The following SMARCA4 variants were observed in gnomAD, a reference collection of about 807,000 sequenced individuals.
The protein encoded by SMARCA4 is SWI/SNF-related matrix-associated actin-dependent regulator of chromatin subfamily A member 4.
In SMARCA4, 31 loss-of-function variants were observed where a neutral mutation model predicts 193.9. The observed-to-expected ratio is 0.16, with a 90% CI of 0.12 to 0.22. The LOEUF (loss-of-function observed/expected upper bound fraction) is 0.22. SMARCA4 is among the 10% of genes least tolerant of loss of function. The pLI is 1.00. For missense variants in SMARCA4, 1,148 were observed against 2,296.0 expected, an observed-to-expected ratio of 0.50 and a Z score of 10.22; for synonymous variants, 942 against 933.1, an observed-to-expected ratio of 1.01 and a Z score of -0.17.
chr19:11,030,975 T>C lies in SMARCA4; in HGVS notation c.3546+82T>C, dbSNP rs2146607512. 1.6e-6 allele frequency: 2 copies of C among 1,220,020 alleles called. No homozygotes were observed. Among genetic ancestry groups the C allele is most frequent in the Non-Finnish European group, 2.3e-6 (2 of 853,424 alleles). 75.6% of individuals were successfully genotyped at this position (1,220,020 alleles called of 1,614,324 possible). A position where few individuals can be genotyped will look rare whatever the true frequency, so the allele number is the denominator to read the frequency against. On this transcript the variant is annotated intron_variant, in intron 25 of 34. Coordinates refer to ENST00000344626, the MANE Select transcript of SMARCA4 (RefSeq NM_003072.5). The surrounding 1 kb of genome is among the most constrained non-coding windows in gnomAD (Gnocchi z 5.5). The stretch of plus-strand genomic sequence containing the variant: ...CGAGGAGACGGCCCTGGCTTGAGGG[T>C]CCTCCAGCCTCCTCCACATTGTCTT...
At position 10,986,941 on chromosome 19, in the gene SMARCA4, CG is replaced by C; in HGVS notation, c.800del (p.Gly267AlafsTer36). On this transcript the variant is annotated frameshift_variant, in exon 5 of 35. Transcript: ENST00000344626. LOFTEE classifies it high-confidence loss of function. The surrounding 1 kb of genome is among the most constrained non-coding windows in gnomAD (Gnocchi z 6.7). ...CCCAACATGCCTCCCCCAGGACCCT[CG>C]GGCGTGCCCCCCGGGATGCCAGGCC... ...GGPNMPPPGP[S>X]GVPPGMPGQP... is the part of the protein sequence containing the mutation. 6.2e-7 allele frequency: 1 copy of C among 1,612,036 alleles called. No individual in the cohort carries two copies.
At chr19:10,972,403 CTT>C (rs56098845) in intron 1 of SMARCA4, among the ~76,000 whole-genome samples, 5 of 145,560 alleles carry the variant, frequency 3.4e-5, no homozygotes, top group Non-Finnish European at 4.5e-5. Context: ...GCCCTGAATA[CTT>C]TTTTTTTTTT....
At chr19:11,028,385 C>T (rs1600340805) in intron 24 of SMARCA4, among the ~76,000 whole-genome samples, 1 of 152,238 alleles carries the variant, frequency 6.6e-6, no homozygotes. Context: ...GCTCTGCCTT[C>T]TTCCATCTTG....
intron 24 of SMARCA4, among the ~76,000 whole-genome samples, chr19:11,028,170 C>G (rs1317549396): frequency 6.6e-6 from 1 of 152,236 alleles, no homozygotes; most frequent in African/African-American, 2.4e-5. Context: ...GGCTGACAGT[C>G]TTTCCACGAC....
intron 8 of SMARCA4, among the ~76,000 whole-genome samples, chr19:10,994,513 G>A (rs867240532): frequency 2.6e-5 from 4 of 151,340 alleles, no homozygotes; most frequent in Middle Eastern, 3.5e-3. Flanking sequence ...TTTTTTGTTA[G>A]TAGAGATGGG....
In SMARCA4 at chr19:11,041,582, G is replaced by A; in HGVS notation, c.4424+22G>A. 1 of 1,609,132 alleles carries A rather than the reference G, an allele frequency of 6.2e-7. No homozygotes were observed. The highest frequency in any genetic ancestry group is 8.5e-7 in the Non-Finnish European group (1 of 1,178,588). On this transcript the variant is annotated intron_variant, in intron 30 of 34. Coordinates refer to ENST00000344626, the MANE Select transcript of SMARCA4 (RefSeq NM_003072.5). The surrounding 1 kb of genome is among the most constrained non-coding windows in gnomAD (Gnocchi z 5.6). ...ACAGGTAAGCGAGGAGGCGGGGAGG[G>A]CGGGGGCTGTAGGGGTCCCCGTGGG...
intron 1 of SMARCA4, among the ~76,000 whole-genome samples, chr19:10,967,950 C>G (rs2084367521): frequency 6.6e-6 from 1 of 151,902 alleles, no homozygotes; most frequent in Non-Finnish European, 1.5e-5. Flanking sequence ...GATCTTGGCT[C>G]ACTGCAATCT....
In SMARCA4 at chr19:10,987,596, G is replaced by A. The variant is rs2145809853; in HGVS notation, c.860-70G>A. On this transcript the variant is annotated intron_variant, in intron 5 of 34. Coordinates refer to ENST00000344626, the MANE Select transcript of SMARCA4 (RefSeq NM_003072.5). This position sits in a 1 kb window ranked among gnomAD's most constrained non-coding sequence, Gnocchi z 5.3. ...CCCCAGTGCCTCAAGCAGCTCAGCA[G>A]CTTTCCATTTCCAGCCCGGGATGGG... 2 of 1,582,790 alleles carry A rather than the reference G, an allele frequency of 1.3e-6. No individual in the cohort carries two copies. Among genetic ancestry groups the A allele is most frequent in the Non-Finnish European group, 1.7e-6 (2 of 1,153,176 alleles).
At position 11,003,145 on chromosome 19, in the gene SMARCA4, C is replaced by T. The variant is rs1415322316; in HGVS notation, c.1929C>T (p.Leu643=). 1.9e-6 allele frequency: 3 copies of T among 1,614,072 alleles called. No individual in the cohort carries two copies. Among genetic ancestry groups the T allele is most frequent in the Non-Finnish European group, 2.5e-6 (3 of 1,180,022 alleles). Residue 643 remains leucine (L), a synonymous_variant, in exon 12 of 35, where the codon CTC becomes CTT. Coordinates refer to ENST00000344626, the MANE Select transcript of SMARCA4 (RefSeq NM_003072.5). ...AAGCCGGGCAGCTGGAGGCCTGGCT[C>T]GAGATGAACCCGGGGTGAGTTGGGC... is the stretch of plus-strand genomic sequence containing the variant. The part of the protein sequence containing the change: ...APKAGQLEAW[L]EMNPGYEVAP...
At chr19:11,042,571 G>A (rs1320553383) in intron 30 of SMARCA4, among the ~76,000 whole-genome samples, 1 of 152,252 alleles carries the variant, frequency 6.6e-6, no homozygotes, top group Non-Finnish European at 1.5e-5. Flanking sequence ...AGAGCGTGGG[G>A]GAATTGTATC....
chr19:11,014,911 C>G (rs1169879033), intron 16 of SMARCA4, among the ~76,000 whole-genome samples: 1 of 151,952 alleles, frequency 6.6e-6, no homozygotes, highest in Non-Finnish European at 1.5e-5. Context: ...CTCCTGGGTT[C>G]AAGCGATTCT....
In SMARCA4 at chr19:10,968,946, C is replaced by G. The variant is rs150194104; in HGVS notation, c.-32+7772C>G. Among the ~76,000 whole-genome samples, 256 of 152,324 alleles carry G rather than the reference C, an allele frequency of 1.7e-3. 2 individuals are homozygous for G. The highest frequency in any genetic ancestry group is 5.8e-3 in the African/African-American group (240 of 41,578). ...CCTCCTGGAGGCATCTCCTGGGTGC[C>G]TGTGGGAGTGGCTCTTTACTTGCCC... On this transcript the variant is annotated intron_variant, in intron 1 of 34. Transcript: ENST00000344626.
At position 11,062,083 on chromosome 19, in the gene SMARCA4, T is replaced by C; in HGVS notation, c.*267T>C. 1 of 549,420 alleles carries C rather than the reference T, an allele frequency of 1.8e-6. No homozygotes were observed. Among genetic ancestry groups the C allele is most frequent in the Non-Finnish European group, 3.3e-6 (1 of 303,652 alleles). 34.0% of individuals were successfully genotyped at this position (549,420 alleles called of 1,614,324 possible). ...AATTGGGGAACACACGATACCTGTT[T>C]TTCTTTTCCGTTGCTGGCAGTACTG... is the stretch of plus-strand genomic sequence containing the variant. On this transcript the variant is annotated 3_prime_UTR_variant, in exon 35 of 35. Coordinates refer to ENST00000344626, the MANE Select transcript of SMARCA4 (RefSeq NM_003072.5).
chr19:10,984,249 G>GTCCCTCGCCGGGC lies in SMARCA4; in HGVS notation c.102_114dup (p.Ala39LeufsTer47), dbSNP rs913673846. ...GGAGCCATGCTGGGCCCTAGCCCGG[G>GTCCCTCGCCGGGC]TCCCTCGCCGGGCTCCGCCCACAGC... On this transcript the variant is annotated frameshift_variant, in exon 2 of 35. Transcript: ENST00000344626. LOFTEE classifies it high-confidence loss of function. This position sits in a 1 kb window ranked among gnomAD's most constrained non-coding sequence, Gnocchi z 4.3. 6.2e-7 allele frequency: 1 copy of GTCCCTCGCCGGGC among 1,612,118 alleles called. No homozygotes were observed. The highest frequency in any genetic ancestry group is 8.5e-7 in the Non-Finnish European group (1 of 1,179,480).
rs1600406993 is a variant in SMARCA4, at chr19:11,035,077, G to A, written c.4115G>A (p.Arg1372His). The change falls in exon 29 of 35, where the codon CGC becomes CAC. Residue 1372 changes from arginine (R) to histidine (H), a missense_variant. Coordinates refer to ENST00000344626, the MANE Select transcript of SMARCA4 (RefSeq NM_003072.5). ...EEEKMFGRGS[R>H]HRKEVDYSDS... ...GAGAAGATGTTCGGCCGTGGCTCCCGCCACCGCAAGGAGGTGGACTACAGC... is the reference window on the plus strand; with the variant it reads ...GAGAAGATGTTCGGCCGTGGCTCCCACCACCGCAAGGAGGTGGACTACAGC... 1 of 1,612,910 alleles carries A rather than the reference G, an allele frequency of 6.2e-7. No homozygotes were observed. The highest frequency in any genetic ancestry group is 8.5e-7 in the Non-Finnish European group (1 of 1,179,862).
In SMARCA4 at chr19:11,045,253, G is replaced by A. The variant is rs374771261; in HGVS notation, c.4424+3693G>A. ...GAGAATGGCATGAACCCAGGAGGCG[G>A]AGCTTGCAGTGAGCCGAGACCGCGC... On this transcript the variant is annotated intron_variant, in intron 30 of 34. Coordinates refer to ENST00000344626, the MANE Select transcript of SMARCA4 (RefSeq NM_003072.5). Among the ~76,000 whole-genome samples, 5 of 152,172 alleles carry A rather than the reference G, an allele frequency of 3.3e-5. No individual in the cohort carries two copies. The South Asian group carries it at 1.0e-3, about 32-fold the overall frequency.
rs1023059961 is a variant in SMARCA4 at position 10,986,553 on chromosome 19, G to A, written c.720G>A (p.Pro240=). 8.4e-6 allele frequency: 13 copies of A among 1,538,658 alleles called. No individual in the cohort carries two copies. The highest frequency in any genetic ancestry group is 4.1e-5 in the African/African-American group (3 of 72,696). ...PGPGPGPGPG[P]GPGPAPPNYS... ...CTGGCCCTGGCCCTGGCCCCGGCCC[G>A]GGTCCCGGCCCGGCACCTCCAAATT... is the stretch of plus-strand genomic sequence containing the variant. Residue 240 remains proline, a synonymous_variant, in exon 4 of 35, where the codon CCG becomes CCA. Transcript: ENST00000344626. This position sits in a 1 kb window ranked among gnomAD's most constrained non-coding sequence, Gnocchi z 6.7.
At chr19:10,980,007 C>T (rs1245881841) in intron 1 of SMARCA4, among the ~76,000 whole-genome samples, 3 of 152,108 alleles carry the variant, frequency 2.0e-5, no homozygotes, top group Non-Finnish European at 2.9e-5. Context: ...GACGTGGAGT[C>T]GCTCCACGGC....
chr19:11,005,067 C>T (rs573734670), intron 13 of SMARCA4, among the ~76,000 whole-genome samples: 1 of 152,174 alleles, frequency 6.6e-6, no homozygotes, highest in Non-Finnish European at 1.5e-5. Context: ...AACTCCTGAC[C>T]TCAGGTGATC....
Sources: allele counts gnomAD v4.1 joint callset (sites outside exome capture counted in the v4.1 genomes callset), GRCh38; gene constraint gnomAD v4.1.1; non-coding constraint Gnocchi (gnomAD v3.1); transcripts MANE v1.5; gene names NCBI Gene and HGNC (gene_info 2026-07-23, HGNC 2026-07-21).